LRP1B: variants seen among roughly 807,000 people sequenced by gnomAD.
The protein encoded by LRP1B is LDL receptor related protein 1B.
Under a neutral mutation model 556.6 loss-of-function variants are expected in LRP1B, and 217 were observed. The ratio of observed to expected loss-of-function variants is 0.39; its 90% CI spans 0.35 to 0.44. LRP1B has a LOEUF of 0.44. Ranked by LOEUF, LRP1B falls within the 20% of genes least tolerant of loss-of-function variation. LRP1B has a pLI of 1.00. For synonymous variants in LRP1B, 2,047 were observed against 1,865.8 expected (o/e 1.10, Z -2.50); for missense variants, 5,053 against 5,620.8 (o/e 0.90, Z 3.23).
intron 20 of LRP1B, among the ~76,000 whole-genome samples, chr2:140,933,296 TCTCAAA>T (rs1695108583): frequency 6.6e-6 from 1 of 152,062 alleles, no homozygotes; most frequent in Admixed American, 6.6e-5. Flanking sequence ...ACCAACTACT[TCTCAAA>T]GAAAAGGCAG....
chr2:140,421,276 T>C (rs1304259606), intron 66 of LRP1B, among the ~76,000 whole-genome samples: 2 of 151,870 alleles, frequency 1.3e-5, no homozygotes, highest in African/African-American at 2.4e-5. Flanking sequence ...TAAATAAAAA[T>C]AAATATGTGG....
intron 1 of LRP1B, among the ~76,000 whole-genome samples, chr2:141,926,725 A>T (rs1700342272): frequency 6.6e-6 from 1 of 152,178 alleles, no homozygotes; most frequent in Admixed American, 6.6e-5. Flanking sequence ...AATTGGAATT[A>T]ATATGTATTT....
At chr2:141,141,376 C>T (rs1241626280) in intron 7 of LRP1B, among the ~76,000 whole-genome samples, 3 of 151,868 alleles carry the variant, frequency 2.0e-5, no homozygotes, top group African/African-American at 4.8e-5. Flanking sequence ...TGTGTCAAAT[C>T]AATTGTTTCC....
At chr2:141,221,769 A>G (rs113966648) in intron 6 of LRP1B, among the ~76,000 whole-genome samples, 2,005 of 152,338 alleles carry the variant, frequency 0.013, 25 homozygotes, top group Non-Finnish European at 0.021. Context: ...CAAGATTAAG[A>G]AACTCACTGA....
chr2:140,452,549 T>C (rs1404722704), intron 62 of LRP1B, among the ~76,000 whole-genome samples: 2 of 152,138 alleles, frequency 1.3e-5, no homozygotes, highest in African/African-American at 4.8e-5. Context: ...TAAAAGTTAT[T>C]AACTTCTTTT....
chr2:141,943,619 C>T (rs1700877460), intron 1 of LRP1B, among the ~76,000 whole-genome samples: 1 of 152,112 alleles, frequency 6.6e-6, no homozygotes, highest in African/African-American at 2.4e-5. Context: ...CTCATTAAAC[C>T]TCCATAATGT....
At chr2:142,024,874 A>T (rs527362496) in intron 1 of LRP1B, among the ~76,000 whole-genome samples, 14 of 152,184 alleles carry the variant, frequency 9.2e-5, no homozygotes, top group Admixed American at 2.6e-4. Flanking sequence ...CCATTTGATT[A>T]TTCAAAAACT....
intron 1 of LRP1B, among the ~76,000 whole-genome samples, chr2:142,014,674 T>C (rs930863472): frequency 3.3e-5 from 5 of 151,974 alleles, no homozygotes; most frequent in African/African-American, 1.2e-4. Flanking sequence ...GACTGTCAAG[T>C]ATTGGAAGCA....
In LRP1B at chr2:140,456,590, G is replaced by GAGA. The variant is rs1318036941; in HGVS notation, c.9825_9827dup (p.Leu3276dup). 2.5e-6 allele frequency: 4 copies of GAGA among 1,608,360 alleles called. No individual in the cohort carries two copies. The highest frequency in any genetic ancestry group is 2.2e-5 in the South Asian group (2 of 90,008). On this transcript the variant is annotated inframe_insertion, in exon 62 of 91. Transcript: ENST00000389484. Reference sequence around the variant, plus strand: ...TGCAACCACCATTATTTATCATGCAGAGATGTTTGGAGACTAAAGATAAGA... The same window carrying GAGA: ...TGCAACCACCATTATTTATCATGCAGAGAAGATGTTTGGAGACTAAAGATAAGA...
intron 6 of LRP1B, among the ~76,000 whole-genome samples, chr2:141,190,073 G>A (rs995083158): frequency 6.6e-6 from 1 of 151,922 alleles, no homozygotes; most frequent in African/African-American, 2.4e-5. Flanking sequence ...TTTTGCTGAG[G>A]ACTGCTGCCT....
chr2:141,455,917 T>C (rs545533971), intron 3 of LRP1B, among the ~76,000 whole-genome samples: 3 of 152,216 alleles, frequency 2.0e-5, no homozygotes, highest in Non-Finnish European at 2.9e-5. Context: ...CCACTAATTA[T>C]CACACTAGTT....
chr2:140,269,484 A>G, intron 86 of LRP1B: 1 of 412,390 alleles, frequency 2.4e-6, no homozygotes. Flanking sequence ...TCAAACGAAA[A>G]GGTTCCCAGA....
intron 5 of LRP1B, among the ~76,000 whole-genome samples, chr2:141,244,014 T>C (rs936034552): frequency 6.6e-6 from 1 of 152,162 alleles, no homozygotes; most frequent in African/African-American, 2.4e-5. Flanking sequence ...ATTTACCTAA[T>C]TGCTATCTAT....
chr2:140,978,707 G>T (rs1696677422), intron 18 of LRP1B, among the ~76,000 whole-genome samples: 1 of 152,148 alleles, frequency 6.6e-6, no homozygotes, highest in Non-Finnish European at 1.5e-5. Context: ...ACTAGACTTT[G>T]TCAGCTTCTC....
Position 140,708,762 on chromosome 2 carries a change from T to C in LRP1B, c.6024-6209A>G, listed in dbSNP as rs181817128. ...TTTGATATTTTCCTATAACTATGAATTTACCAAATATTTAACATCTAGCTG... is the reference window on the plus strand; with the variant it reads ...TTTGATATTTTCCTATAACTATGAACTTACCAAATATTTAACATCTAGCTG... On this transcript the variant is annotated intron_variant, in intron 37 of 90. Transcript: ENST00000389484. Among the ~76,000 whole-genome samples, 41 of 152,026 alleles carry C rather than the reference T, an allele frequency of 2.7e-4. 1 individual carries two copies. Among genetic ancestry groups the C allele is most frequent in the Admixed American group, 1.7e-3 (26 of 15,226 alleles).
intron 23 of LRP1B, among the ~76,000 whole-genome samples, chr2:140,894,216 AATTTTC>A (rs199533111): frequency 0.014 from 2,154 of 152,216 alleles, 21 homozygotes; most frequent in Non-Finnish European, 0.019. Flanking sequence ...CCTTTCTATT[AATTTTC>A]ATCTTCCTGG....
intron 3 of LRP1B, among the ~76,000 whole-genome samples, chr2:141,312,869 C>T (rs759309374): frequency 3.3e-5 from 5 of 151,764 alleles, no homozygotes; most frequent in Admixed American, 1.3e-4. Flanking sequence ...TTAGTAGAGA[C>T]GGGGTTTCAC....
intron 3 of LRP1B, among the ~76,000 whole-genome samples, chr2:141,282,989 T>C (rs1685564474): frequency 6.6e-6 from 1 of 152,118 alleles, no homozygotes; most frequent in African/African-American, 2.4e-5. Flanking sequence ...CTCTCCTAGA[T>C]TGTAAAGTCC....
intron 1 of LRP1B, among the ~76,000 whole-genome samples, chr2:141,918,248 T>C (rs1353593654): frequency 6.6e-6 from 1 of 151,974 alleles, no homozygotes; most frequent in Non-Finnish European, 1.5e-5. Context: ...TATATATATA[T>C]ACTTCTGCAT....
Sources: gnomAD v4.1 joint callset for allele counts (sites outside exome capture counted in the v4.1 genomes callset) on GRCh38, gnomAD v4.1.1 for gene constraint, MANE v1.5 for transcripts, NCBI Gene and HGNC (gene_info 2026-07-23, HGNC 2026-07-21) for gene names.